SLC39A12: variants seen among roughly 807,000 people sequenced by gnomAD.
The protein encoded by SLC39A12 is solute carrier family 39 member 12.
In SLC39A12, 63 loss-of-function variants were observed where a neutral mutation model predicts 71.1. The ratio of observed to expected loss-of-function variants is 0.89; its 90% CI spans 0.72 to 1.09. The LOEUF (loss-of-function observed/expected upper bound fraction) is 1.09, where lower values mean the gene tolerates loss of function less well. SLC39A12 is among the 50% of genes least tolerant of loss of function. The pLI, the probability that SLC39A12 is intolerant of heterozygous loss-of-function variation, is 0.00. For missense variants in SLC39A12, 892 were observed against 812.6 expected (o/e 1.10, Z -1.19); for synonymous variants, 351 against 301.3 (o/e 1.16, Z -1.71).
chr10:17,957,314 A>G (rs969125790), intron 2 of SLC39A12, among the ~76,000 whole-genome samples: 7 of 152,120 alleles, frequency 4.6e-5, no homozygotes, highest in Admixed American at 2.6e-4. Context: ...GTGGTGGACA[A>G]TTACTACCAA....
intron 2 of SLC39A12, among the ~76,000 whole-genome samples, chr10:17,959,883 T>C (rs1554848165): frequency 1.3e-5 from 2 of 152,216 alleles, no homozygotes; most frequent in African/African-American, 4.8e-5. Context: ...ACTTTTCCTC[T>C]AACATCTTAA....
intron 12 of SLC39A12, among the ~76,000 whole-genome samples, chr10:18,012,098 C>T (rs1836242859): frequency 6.6e-6 from 1 of 152,098 alleles, no homozygotes; most frequent in Non-Finnish European, 1.5e-5. Context: ...TGGGAACAAA[C>T]CGCCTGATTT....
intron 8 of SLC39A12, among the ~76,000 whole-genome samples, chr10:17,992,108 A>C (rs1043651986): frequency 1.4e-5 from 2 of 144,888 alleles, no homozygotes; most frequent in South Asian, 2.2e-4. Flanking sequence ...AAAAAAAAAA[A>C]ACAAAAGAAA....
chr10:18,027,627 C>G (rs946156398), intron 12 of SLC39A12, among the ~76,000 whole-genome samples: 1 of 152,220 alleles, frequency 6.6e-6, no homozygotes, highest in Non-Finnish European at 1.5e-5. Flanking sequence ...CTTCCACTGA[C>G]TGGTTCTAGC....
chr10:18,006,704 TTTA>T, intron 12 of SLC39A12, among the ~76,000 whole-genome samples: 1 of 152,166 alleles, frequency 6.6e-6, no homozygotes, highest in Non-Finnish European at 1.5e-5. Flanking sequence ...AGGAAGAGGC[TTTA>T]TCTACAGGCT....
At chr10:18,025,145 C>T (rs1564660846) in intron 12 of SLC39A12, among the ~76,000 whole-genome samples, 1 of 152,044 alleles carries the variant, frequency 6.6e-6, no homozygotes, top group Non-Finnish European at 1.5e-5. Flanking sequence ...TACTTTTGTT[C>T]TCTGTTGCTC....
In SLC39A12 at chr10:18,041,845, G is replaced by A. The variant is rs191456750; in HGVS notation, c.1948-860G>A. On this transcript the variant is annotated intron_variant, in intron 12 of 12. Coordinates refer to ENST00000377369, the MANE Select transcript of SLC39A12 (RefSeq NM_001145195.2). ...TATGTATGTACATACATATGTATAC[G>A]TATATATATGTACATACATATGTAT... 8.3e-5 allele frequency among the ~76,000 whole-genome samples: 12 copies of A among 145,074 alleles called. No homozygotes were observed. The East Asian group carries it at 1.8e-3, about 22-fold the overall frequency.
chr10:18,024,312 C>T (rs894635516), intron 12 of SLC39A12, among the ~76,000 whole-genome samples: 6 of 152,024 alleles, frequency 3.9e-5, no homozygotes, highest in African/African-American at 7.2e-5. Context: ...GCCTGAAAAG[C>T]GGCTCTGCCC....
intron 2 of SLC39A12, among the ~76,000 whole-genome samples, chr10:17,955,201 G>A (rs782126514): frequency 2.6e-5 from 4 of 152,144 alleles, no homozygotes; most frequent in African/African-American, 4.8e-5. Context: ...TTTCAGGGCT[G>A]GGGGAAGGAT....
In SLC39A12 at chr10:17,953,549, A is replaced by ATC; in HGVS notation, c.261+12_261+13insTC. 1 of 1,613,654 alleles carries ATC rather than the reference A, an allele frequency of 6.2e-7. No individual in the cohort carries two copies. Among genetic ancestry groups the ATC allele is most frequent in the Non-Finnish European group, 8.5e-7 (1 of 1,179,730 alleles). Reference sequence around the variant, plus strand: ...GAGATTGCAATCTGGTTAGTGAAATAGAATGGGGTCAGGTATCAGGGCATG... The same window carrying ATC: ...GAGATTGCAATCTGGTTAGTGAAATATCGAATGGGGTCAGGTATCAGGGCATG... On this transcript the variant is annotated intron_variant, in intron 2 of 12. Transcript: ENST00000377369.
intron 12 of SLC39A12, among the ~76,000 whole-genome samples, chr10:18,041,531 TATATACAC>T (rs1191519287): frequency 0.015 from 1,113 of 72,188 alleles, 49 homozygotes; most frequent in Middle Eastern, 0.017. Context: ...TATATGTATA[TATATACAC>T]ACACACACAC....
At chr10:18,023,262 C>A (rs1464778858) in intron 12 of SLC39A12, among the ~76,000 whole-genome samples, 1 of 152,190 alleles carries the variant, frequency 6.6e-6, no homozygotes, top group Non-Finnish European at 1.5e-5. Flanking sequence ...TTAGAATGAT[C>A]AGTCCAGGGT....
At chr10:17,975,000 C>T (rs74118058) in intron 4 of SLC39A12, among the ~76,000 whole-genome samples, 3,427 of 152,250 alleles carry the variant, frequency 0.023, 117 homozygotes, top group African/African-American at 0.075. Flanking sequence ...TCACTCTTCC[C>T]TTCCCTTTAC....
chr10:17,960,425 G>T (rs1327855233), intron 2 of SLC39A12, among the ~76,000 whole-genome samples: 2 of 152,116 alleles, frequency 1.3e-5, no homozygotes, highest in East Asian at 1.9e-4. Context: ...ATATTTTGGG[G>T]CAGTATGTTC....
At chr10:18,013,320 T>C (rs1475528410) in intron 12 of SLC39A12, among the ~76,000 whole-genome samples, 2 of 148,886 alleles carry the variant, frequency 1.3e-5, no homozygotes, top group Non-Finnish European at 3.0e-5. Context: ...TTTTTATATA[T>C]GGTATTAGGT....
chr10:17,984,284 C>G (rs1835347061), intron 6 of SLC39A12, among the ~76,000 whole-genome samples: 1 of 152,190 alleles, frequency 6.6e-6, no homozygotes. Flanking sequence ...CATAGAGAAT[C>G]TAAAAAGATT....
chr10:17,970,726 C>T (rs1282464619), intron 4 of SLC39A12, among the ~76,000 whole-genome samples: 1 of 143,440 alleles, frequency 7.0e-6, no homozygotes, highest in Non-Finnish European at 1.5e-5. Flanking sequence ...GTAGGTGAAA[C>T]ATAAATTGTG....
At chr10:17,978,162 A>G in intron 5 of SLC39A12, 88 bp downstream of exon 5, 3 of 1,147,076 alleles carry the variant, frequency 2.6e-6, no homozygotes, top group Non-Finnish European at 3.7e-6. Flanking sequence ...TAGAAAACTT[A>G]AAGAGTATTG....
intron 3 of SLC39A12, among the ~76,000 whole-genome samples, chr10:17,963,734 G>A (rs1334177889): frequency 1.3e-5 from 2 of 152,148 alleles, no homozygotes; most frequent in African/African-American, 2.4e-5. Context: ...GAGGTCAGAT[G>A]AGGTTCTGGC....
Sources: gnomAD v4.1 joint callset for allele counts (sites outside exome capture counted in the v4.1 genomes callset) on GRCh38, gnomAD v4.1.1 for gene constraint, MANE v1.5 for transcripts, NCBI Gene and HGNC (gene_info 2026-07-23, HGNC 2026-07-21) for gene names.